The following SNX25 variants were observed in gnomAD, a reference collection of about 807,000 sequenced individuals.
SNX25 encodes sorting nexin 25.
A neutral mutation model predicts 113.7 loss-of-function variants in SNX25; 62 were observed. That is an observed-to-expected ratio of 0.55 (90% confidence interval 0.44 to 0.67). The LOEUF (loss-of-function observed/expected upper bound fraction) is 0.67. Ranked by LOEUF, SNX25 falls within the 30% of genes least tolerant of loss-of-function variation. The pLI is 0.00. For synonymous variants in SNX25, 421 were observed against 436.2 expected (o/e 0.97, Z 0.43); for missense variants, 1,014 against 1,161.0 (o/e 0.87, Z 1.84).
chr4:185,253,841 G>A (rs1304949587), intron 2 of SNX25, among the ~76,000 whole-genome samples: 1 of 152,116 alleles, frequency 6.6e-6, no homozygotes, highest in Non-Finnish European at 1.5e-5. Context: ...GAATTTCAGT[G>A]GTAAATATGC....
chr4:185,357,480 T>A (rs1346488073), intron 15 of SNX25, among the ~76,000 whole-genome samples, 191 bp from the exon 16 acceptor site: 1 of 152,204 alleles, frequency 6.6e-6, no homozygotes, highest in Non-Finnish European at 1.5e-5. Context: ...ATCAGTTGCT[T>A]GGTAGAAAAT....
the SNX25 span, among the ~76,000 whole-genome samples, chr4:185,375,435 G>A: frequency 1.8e-4 from 18 of 99,984 alleles, no homozygotes; most frequent in Non-Finnish European, 2.8e-4. Context: ...CAGCCTGGGC[G>A]ACAGAGCGAG....
At chr4:185,216,348 C>G (rs1260064215) in intron 1 of SNX25, among the ~76,000 whole-genome samples, 1 of 151,988 alleles carries the variant, frequency 6.6e-6, no homozygotes, top group African/African-American at 2.4e-5. Flanking sequence ...AAGTTTTTCT[C>G]TGTATAATCT....
At chr4:185,251,174 T>C (rs1296219853) in intron 2 of SNX25, among the ~76,000 whole-genome samples, 2 of 152,144 alleles carry the variant, frequency 1.3e-5, no homozygotes, top group East Asian at 3.8e-4. Flanking sequence ...TTTGTATTTT[T>C]AGTAGAGACA....
chr4:185,368,165 C>A (rs1217830456), downstream of SNX25, among the ~76,000 whole-genome samples: 1 of 152,068 alleles, frequency 6.6e-6, no homozygotes, highest in Admixed American at 6.6e-5. Context: ...GCAACAGAGC[C>A]AGACTCCGTC....
rs999346039 is a variant in SNX25, at chr4:185,322,438, T to C, written c.1477-1090T>C. Among the ~76,000 whole-genome samples the C allele has an allele frequency of 1.6e-4, 25 of 151,954 alleles. 1 individual carries two copies. The highest frequency in any genetic ancestry group is 6.0e-4 in the African/African-American group (25 of 41,434). ...CAGCAAGATTTGGTCTTGGGGAAGG[T>C]GGGGGGGAAGCACCAAGAGCATATT... On this transcript the variant is annotated intron_variant, in intron 8 of 18. Coordinates refer to ENST00000652585, the MANE Select transcript of SNX25 (RefSeq NM_001378034.2).
chr4:185,325,686 G>A (rs2095152475), intron 9 of SNX25, among the ~76,000 whole-genome samples: 1 of 152,180 alleles, frequency 6.6e-6, no homozygotes, highest in Non-Finnish European at 1.5e-5. Flanking sequence ...GAAGGAATCT[G>A]AGATAAGACC....
Position 185,209,636 on chromosome 4 carries a change from C to G in SNX25, c.-191C>G, listed in dbSNP as rs371877972. Reference sequence around the variant, plus strand: ...TGGGGCTCCCTGGCTGCGCCCGGCCCGGCAGCTACGGGCCCAGCGCCTGGT... The same window carrying G: ...TGGGGCTCCCTGGCTGCGCCCGGCCGGGCAGCTACGGGCCCAGCGCCTGGT... On this transcript the variant is annotated 5_prime_UTR_variant, in exon 1 of 19. Coordinates refer to ENST00000652585, the MANE Select transcript of SNX25 (RefSeq NM_001378034.2). The surrounding 1 kb of genome is among the most constrained non-coding windows in gnomAD (Gnocchi z 5.2). 6 of 658,480 alleles carry G rather than the reference C, an allele frequency of 9.1e-6. No individual in the cohort carries two copies. The highest frequency in any genetic ancestry group is 6.7e-5 in the South Asian group (1 of 14,872). The allele number at this position is 658,480 out of a possible 1,614,324, so 40.8% of individuals were successfully genotyped here.
At chr4:185,310,963 A>T (rs1363309787) in intron 7 of SNX25, 147 bp downstream of exon 7, 2 of 807,412 alleles carry the variant, frequency 2.5e-6, no homozygotes, top group Non-Finnish European at 3.8e-6. Context: ...TGAGTCAAGG[A>T]GCTACATTCC....
intron 7 of SNX25, among the ~76,000 whole-genome samples, chr4:185,318,968 T>G (rs1241488285): frequency 6.6e-6 from 1 of 152,192 alleles, no homozygotes; most frequent in East Asian, 1.9e-4. Context: ...CCTTATCTTA[T>G]GTAAAGTACA....
At chr4:185,229,824 A>G (rs1385349171) in intron 1 of SNX25, among the ~76,000 whole-genome samples, 1 of 152,052 alleles carries the variant, frequency 6.6e-6, no homozygotes, top group Non-Finnish European at 1.5e-5. Flanking sequence ...TGATTCAAGT[A>G]CTATATTTAT....
upstream of SNX25, among the ~76,000 whole-genome samples, chr4:185,208,189 A>ACCT (rs1737277451): frequency 6.6e-6 from 1 of 151,052 alleles, no homozygotes; most frequent in Non-Finnish European, 1.5e-5. Flanking sequence ...GCTCACTGCG[A>ACCT]CCTCCACCTC....
At chr4:185,292,756 C>A (rs1052164538) in intron 6 of SNX25, among the ~76,000 whole-genome samples, 3 of 152,004 alleles carry the variant, frequency 2.0e-5, no homozygotes, top group Admixed American at 6.6e-5. Flanking sequence ...CTTGTCTCTA[C>A]AAAAAAATTT....
At chr4:185,239,774 CTTT>C (rs564649102) in intron 1 of SNX25, among the ~76,000 whole-genome samples, 2 of 110,752 alleles carry the variant, frequency 1.8e-5, no homozygotes, top group Non-Finnish European at 1.8e-5. Context: ...TTTTTTTTTT[CTTT>C]TTTTTTTTTT....
chr4:185,219,967 T>TG (rs1739534467), intron 1 of SNX25, among the ~76,000 whole-genome samples: 1 of 150,030 alleles, frequency 6.7e-6, no homozygotes, highest in Admixed American at 6.7e-5. Flanking sequence ...TTTCTGAAAC[T>TG]GCAACCGCTA....
At chr4:185,370,314 C>T (rs541508400), downstream of SNX25, 197 of 247,194 alleles carry the variant, frequency 8.0e-4, no homozygotes, top group Non-Finnish European at 1.3e-3. Context: ...CTAGAATGAA[C>T]GTATACATTC....
intron 5 of SNX25, among the ~76,000 whole-genome samples, chr4:185,281,294 TAAGG>T (rs1458264539): frequency 1.3e-5 from 2 of 152,180 alleles, no homozygotes; most frequent in Non-Finnish European, 2.9e-5. Flanking sequence ...GTAACTGTGT[TAAGG>T]AAGAATAATA....
At chr4:185,241,519 A>ACC (rs1394308814) in intron 1 of SNX25, among the ~76,000 whole-genome samples, 1 of 34,942 alleles carries the variant, frequency 2.9e-5, no homozygotes, top group Non-Finnish European at 7.1e-5. Context: ...GGAGAGGGAG[A>ACC]GGGAGAGGAG....
intron 2 of SNX25, among the ~76,000 whole-genome samples, chr4:185,255,917 A>G (rs1304989353): frequency 6.6e-6 from 1 of 152,246 alleles, no homozygotes. Flanking sequence ...CATCTGGGTC[A>G]GAAACCATTT....
Sources: allele counts gnomAD v4.1 joint callset (sites outside exome capture counted in the v4.1 genomes callset), GRCh38; gene constraint gnomAD v4.1.1; non-coding constraint Gnocchi (gnomAD v3.1); transcripts MANE v1.5; gene names NCBI Gene and HGNC (gene_info 2026-07-23, HGNC 2026-07-21).